The following FNBP4 variants were observed in gnomAD, a reference collection of about 807,000 sequenced individuals.
FNBP4 encodes the protein formin binding protein 4, also known as formin-binding protein 4.
Under a neutral mutation model 119.3 loss-of-function variants are expected in FNBP4, and 34 were observed. The observed-to-expected ratio is 0.28, with a 90% confidence interval of 0.22 to 0.38. The LOEUF (loss-of-function observed/expected upper bound fraction) is 0.38, where lower values mean the gene tolerates loss of function less well. FNBP4 is among the 10% of genes least tolerant of loss of function. The pLI, the probability that FNBP4 is intolerant of heterozygous loss-of-function variation, is 1.00. For missense variants in FNBP4, 1,112 were observed against 1,228.9 expected (o/e 0.90, Z 1.42); for synonymous variants, 462 against 430.6 (o/e 1.07, Z -0.90).
rs1449671556 is a variant in FNBP4 at position 47,716,555 on chromosome 11, A to G, written c.*867T>C. The G allele has an allele frequency of 6.5e-6, 1 of 152,706 alleles. No individual in the cohort carries two copies. Among genetic ancestry groups the G allele is most frequent in the Non-Finnish European group, 1.5e-5 (1 of 68,056 alleles). 9.5% of individuals were successfully genotyped at this position (152,706 alleles called of 1,614,324 possible). ...AAAAGCTTTATTAGTGCATATATAC[A>G]AATTTACAAGGTCAGAAACTGGAGA... On this transcript the variant is annotated 3_prime_UTR_variant, in exon 17 of 17. Coordinates refer to ENST00000263773, the MANE Select transcript of FNBP4 (RefSeq NM_015308.5).
rs766568584 is a variant in FNBP4, at chr11:47,754,561, A to G, written c.417T>C (p.Thr139=). Reference sequence around the variant, plus strand: ...AGTTGGCCAATGTACTATCAATATCAGTTGACTGGTTTCCATTTGTCTCTT... The same window carrying G: ...AGTTGGCCAATGTACTATCAATATCGGTTGACTGGTTTCCATTTGTCTCTT... ...QSKETNGNQS[T]DIDSTLANFL... Residue 139 remains threonine (T), a synonymous_variant, in exon 3 of 17, where the codon ACT becomes ACC. Coordinates refer to ENST00000263773, the MANE Select transcript of FNBP4 (RefSeq NM_015308.5). The G allele has an allele frequency of 1.4e-5, 22 of 1,614,120 alleles. No homozygotes were observed. In the South Asian group the frequency reaches 2.2e-4, roughly 16 times the overall value.
At chr11:47,717,913 T>G (rs2097551441) in intron 16 of FNBP4, among the ~76,000 whole-genome samples, 1 of 148,642 alleles carries the variant, frequency 6.7e-6, no homozygotes, top group African/African-American at 2.4e-5. Context: ...CAACCATGCC[T>G]GGCTAATTTT....
intron 12 of FNBP4, chr11:47,725,666 G>T: frequency 1.9e-6 from 1 of 523,330 alleles, no homozygotes. Context: ...CTTTGTAAAA[G>T]CCATCATTGA....
chr11:47,744,071 C>T lies in FNBP4; in HGVS notation c.1338G>A (p.Met446Ile). Residue 446 changes from methionine to isoleucine, a missense_variant, in exon 8 of 17, where the codon ATG (methionine) becomes ATA (isoleucine). This residue lies in a region of FNBP4 where 826 missense variants were observed against 988.8 expected (regional missense o/e 0.84). Coordinates refer to ENST00000263773, the MANE Select transcript of FNBP4 (RefSeq NM_015308.5). ...TTCCTCTTTTAGACATAAGCCTACG[C>T]ATTCCATCTTGAGATGCTGGCTGGC... ...DISQPASQDGMRRLMSKRGKW... is the reference protein window; with the variant it reads ...DISQPASQDGIRRLMSKRGKW... The T allele has an allele frequency of 6.2e-7, 1 of 1,614,158 alleles. No individual in the cohort carries two copies. Among genetic ancestry groups the T allele is most frequent in the Admixed American group, 1.7e-5 (1 of 60,006 alleles).
In FNBP4 at chr11:47,744,080, T is replaced by C; in HGVS notation, c.1329A>G (p.Gln443=). The change falls in exon 8 of 17, where the codon CAA becomes CAG. Residue 443 remains glutamine (Q), a synonymous_variant. Coordinates refer to ENST00000263773, the MANE Select transcript of FNBP4 (RefSeq NM_015308.5). ...TAGACATAAGCCTACGCATTCCATC[T>C]TGAGATGCTGGCTGGCTGATATCAG... The part of the protein sequence containing the change: ...PRSDISQPAS[Q]DGMRRLMSKR... The C allele has an allele frequency of 6.2e-7, 1 of 1,614,196 alleles. No homozygotes were observed. The highest frequency in any genetic ancestry group is 1.1e-5 in the South Asian group (1 of 91,080).
At chr11:47,743,931 T>G in intron 8 of FNBP4, 22 bp downstream of exon 8, 1 of 1,606,670 alleles carries the variant, frequency 6.2e-7, no homozygotes. Flanking sequence ...AACTCTGAAG[T>G]TTAATGTGAA....
At chr11:47,766,502 G>A (rs1325455979) in intron 1 of FNBP4, among the ~76,000 whole-genome samples, 3 of 152,132 alleles carry the variant, frequency 2.0e-5, no homozygotes, top group Admixed American at 1.3e-4. Flanking sequence ...CGGCTTCTCC[G>A]GCGCCTAGTC....
At chr11:47,731,167 C>T in intron 12 of FNBP4, 1 of 443,532 alleles carries the variant, frequency 2.3e-6, no homozygotes, top group Non-Finnish European at 3.8e-6. Context: ...CCTATCTTTT[C>T]ACTTTGGGGC....
chr11:47,726,941 T>C (rs2097561719), intron 12 of FNBP4: 2 of 152,358 alleles, frequency 1.3e-5, no homozygotes, highest in Non-Finnish European at 2.9e-5. Context: ...AAACAAAGTC[T>C]GTAACTGGTT....
chr11:47,734,987 C>A (rs1032018482), intron 9 of FNBP4, among the ~76,000 whole-genome samples: 1 of 112,348 alleles, frequency 8.9e-6, no homozygotes, highest in South Asian at 2.8e-4. Flanking sequence ...CACCCCCCCC[C>A]CCAAAAAAAA....
chr11:47,724,161 A>C lies in FNBP4; in HGVS notation c.2331T>G (p.Asp777Glu). ...TTVVTSQSSVDSTISSSSSTK... is the reference protein window; with the variant it reads ...TTVVTSQSSVESTISSSSSTK... The stretch of plus-strand genomic sequence containing the variant: ...TGGAAGAAGAACTAGAGATGGTGGA[A>C]TCAACTGAACTCTGAAACACAAACA... The change falls in exon 14 of 17, where the codon GAT (aspartate) becomes GAG (glutamate). Residue 777 changes from aspartate (D) to glutamate (E), a missense_variant. By Grantham distance (45) the Asp-to-Glu change is conservative. Coordinates refer to ENST00000263773, the MANE Select transcript of FNBP4 (RefSeq NM_015308.5). 6.2e-7 allele frequency: 1 copy of C among 1,614,172 alleles called. No homozygotes were observed. Among genetic ancestry groups the C allele is most frequent in the East Asian group, 2.2e-5 (1 of 44,884 alleles).
At chr11:47,753,683 C>T (rs2097609300) in intron 3 of FNBP4, among the ~76,000 whole-genome samples, 1 of 152,058 alleles carries the variant, frequency 6.6e-6, no homozygotes, top group South Asian at 2.1e-4. Flanking sequence ...GTAATCCCAG[C>T]TACTCAAGAG....
intron 7 of FNBP4, among the ~76,000 whole-genome samples, chr11:47,745,708 T>C (rs980474644): frequency 8.5e-5 from 13 of 152,240 alleles, no homozygotes; most frequent in Non-Finnish European, 1.5e-4. Flanking sequence ...GAGGCTCGGG[T>C]GGGCATCATA....
intron 14 of FNBP4, 54 bp from the exon 15 acceptor site, chr11:47,723,370 G>A (rs1565120775): frequency 6.5e-7 from 1 of 1,528,276 alleles, no homozygotes; most frequent in East Asian, 2.3e-5. Flanking sequence ...GACAAGAACA[G>A]ATGCAATGAA....
chr11:47,743,029 T>G (rs1386632552), intron 8 of FNBP4, among the ~76,000 whole-genome samples: 1 of 152,182 alleles, frequency 6.6e-6, no homozygotes, highest in African/African-American at 2.4e-5. Context: ...TCTTGCTATG[T>G]TGCCCAGCTA....
At chr11:47,742,477 CAAAAAAAA>C (rs568784009) in intron 8 of FNBP4, among the ~76,000 whole-genome samples, 8 of 23,758 alleles carry the variant, frequency 3.4e-4, no homozygotes, top group South Asian at 6.5e-3. Context: ...GACTCCGTCT[CAAAAAAAA>C]AAAAAAAAAA....
intron 9 of FNBP4, among the ~76,000 whole-genome samples, chr11:47,734,705 T>C (rs1479662888): frequency 6.6e-6 from 1 of 152,116 alleles, no homozygotes; most frequent in African/African-American, 2.4e-5. Context: ...CTGGGTGTGG[T>C]GGCTCACACC....
In FNBP4 at chr11:47,723,069, T is replaced by G. The variant is rs772458740; in HGVS notation, c.2712A>C (p.Glu904Asp). The G allele has an allele frequency of 6.2e-7, 1 of 1,606,328 alleles. No individual in the cohort carries two copies. The highest frequency in any genetic ancestry group is 8.5e-7 in the Non-Finnish European group (1 of 1,176,380). The change falls in exon 15 of 17, where the codon GAA (glutamate) becomes GAC (aspartate). Residue 904 changes from glutamate (E) to aspartate (D), a missense_variant. Physicochemically the swap from Glu to Asp is conservative, Grantham distance 45. This residue lies in a region of FNBP4 where 826 missense variants were observed against 988.8 expected (regional missense o/e 0.84). Transcript: ENST00000263773. ...GAGGAGGAGGAGGTGGTGGTGGTGG[T>G]TCTATAATGGTAGCGGTAGGCACAG... ...RGAVPTATII[E>D]PPPPPPPPPP...
intron 1 of FNBP4, 83 bp downstream of exon 1, chr11:47,766,986 C>T: frequency 7.0e-7 from 1 of 1,433,514 alleles, no homozygotes. Flanking sequence ...CGCCCGCCTC[C>T]CTCGCCGGGT....
Sources: allele counts gnomAD v4.1 joint callset (sites outside exome capture counted in the v4.1 genomes callset), GRCh38; gene constraint gnomAD v4.1.1; regional missense constraint gnomAD v4.1.1; transcripts MANE v1.5; gene names NCBI Gene and HGNC (gene_info 2026-07-23, HGNC 2026-07-21).